The following HS3ST5 variants were observed in gnomAD, a reference collection of about 807,000 sequenced individuals.
HS3ST5 encodes heparan sulfate glucosamine 3-O-sulfotransferase 5.
HS3ST5 carries 10 observed loss-of-function variants against 25.4 expected under a neutral mutation model. The ratio of observed to expected loss-of-function variants is 0.39; its 90% CI spans 0.24 to 0.67. The LOEUF (loss-of-function observed/expected upper bound fraction) is 0.67. Ranked by LOEUF, HS3ST5 falls within the 30% of genes least tolerant of loss-of-function variation. HS3ST5 has a pLI of 0.44. For missense variants in HS3ST5, 324 were observed against 420.7 expected (o/e 0.77, Z 2.01); for synonymous variants, 170 against 162.4 (o/e 1.05, Z -0.36).
At chr6:114,150,668 T>G (rs1017587059) in intron 3 of HS3ST5, among the ~76,000 whole-genome samples, 11 of 152,306 alleles carry the variant, frequency 7.2e-5, no homozygotes, top group African/African-American at 2.6e-4. Flanking sequence ...TTGCATTCTA[T>G]AGCATACATG....
chr6:114,328,266 G>A (rs1162925045), intron 1 of HS3ST5, among the ~76,000 whole-genome samples: 1 of 151,466 alleles, frequency 6.6e-6, no homozygotes, highest in Non-Finnish European at 1.5e-5. Context: ...AGGAAAGAAG[G>A]AAGGAAGGAA....
At chr6:114,208,345 A>T (rs567838706) in intron 2 of HS3ST5, among the ~76,000 whole-genome samples, 2 of 152,256 alleles carry the variant, frequency 1.3e-5, no homozygotes, top group African/African-American at 4.8e-5. Context: ...CACCTCTAAC[A>T]TGCTTTCAAC....
chr6:114,103,614 G>A (rs1290561161), intron 3 of HS3ST5, among the ~76,000 whole-genome samples: 4 of 150,438 alleles, frequency 2.7e-5, no homozygotes, highest in Non-Finnish European at 5.9e-5. Context: ...TAGAGACAGG[G>A]TCTGACTCTG....
chr6:114,217,331 C>A (rs1219102857), intron 2 of HS3ST5, among the ~76,000 whole-genome samples: 1 of 152,114 alleles, frequency 6.6e-6, no homozygotes, highest in Non-Finnish European at 1.5e-5. Flanking sequence ...TTAAAGCAAC[C>A]ACTATCCTGA....
intron 3 of HS3ST5, among the ~76,000 whole-genome samples, chr6:114,130,050 G>T (rs139429517): frequency 0.011 from 1,744 of 152,152 alleles, 15 homozygotes; most frequent in Middle Eastern, 0.031. Context: ...ACAAACAAAG[G>T]TTCCATCTCA....
At chr6:114,262,442 G>GA (rs1773219217) in intron 1 of HS3ST5, among the ~76,000 whole-genome samples, 1 of 152,058 alleles carries the variant, frequency 6.6e-6, no homozygotes. Context: ...AGCTACTTGG[G>GA]AGGCTGAGGC....
chr6:114,094,853 G>T (rs1195245846), intron 3 of HS3ST5, among the ~76,000 whole-genome samples: 1 of 152,174 alleles, frequency 6.6e-6, no homozygotes, highest in Non-Finnish European at 1.5e-5. Context: ...CATGACATAA[G>T]ATGGTCCTTC....
intron 1 of HS3ST5, among the ~76,000 whole-genome samples, chr6:114,254,977 CT>C (rs981742189): frequency 2.6e-5 from 4 of 152,152 alleles, no homozygotes; most frequent in African/African-American, 9.7e-5. Context: ...CCAATCATGC[CT>C]TCCCAACAGT....
intron 3 of HS3ST5, among the ~76,000 whole-genome samples, chr6:114,098,011 C>T (rs1464862379): frequency 6.6e-6 from 1 of 151,934 alleles, no homozygotes; most frequent in Admixed American, 6.6e-5. Flanking sequence ...ACATTTACTT[C>T]TCTACTTCTT....
chr6:114,167,541 C>T (rs1048933206), intron 3 of HS3ST5: 5 of 152,152 alleles, frequency 3.3e-5, no homozygotes, highest in Non-Finnish European at 7.3e-5. Context: ...TTGCCAAGAT[C>T]ACCCAGCTAG....
intron 3 of HS3ST5, among the ~76,000 whole-genome samples, chr6:114,107,312 T>TA: frequency 6.6e-6 from 1 of 152,222 alleles, no homozygotes; most frequent in South Asian, 2.1e-4. Flanking sequence ...TAGTAGATGC[T>TA]AAAAAAGCAT....
chr6:114,201,688 A>C (rs187922188), intron 2 of HS3ST5, among the ~76,000 whole-genome samples: 9 of 152,306 alleles, frequency 5.9e-5, no homozygotes, highest in Admixed American at 3.9e-4. Flanking sequence ...TAATAAAGAC[A>C]TACCTGAGAC....
At chr6:114,185,465 G>T (rs1780176582) in intron 2 of HS3ST5, among the ~76,000 whole-genome samples, 1 of 152,130 alleles carries the variant, frequency 6.6e-6, no homozygotes, top group Admixed American at 6.5e-5. Flanking sequence ...TTCCAGAAAT[G>T]TGAGAAATAA....
chr6:114,078,603 C>G (rs551804629), intron 3 of HS3ST5, among the ~76,000 whole-genome samples: 2 of 152,256 alleles, frequency 1.3e-5, no homozygotes, highest in South Asian at 4.1e-4. Flanking sequence ...ATAAGAGACA[C>G]AAGATATTTT....
At chr6:114,341,265 G>GAGAGAGAGAGAGA (rs1776855774) in intron 1 of HS3ST5, among the ~76,000 whole-genome samples, 1 of 148,402 alleles carries the variant, frequency 6.7e-6, no homozygotes. Context: ...GAGAGAGTGA[G>GAGAGAGAGAGAGA]TCCCACCGGG....
rs138983317 is a variant in HS3ST5, at chr6:114,139,000, C to G, written c.-33+29351G>C. On this transcript the variant is annotated intron_variant, in intron 3 of 4. Transcript: ENST00000312719. The stretch of plus-strand genomic sequence containing the variant: ...TTAGGGCTTCAGAATGCCCCACCCC[C>G]TAATGTCCTCACCTTGGAGTTAGGA... Among the ~76,000 whole-genome samples the G allele has an allele frequency of 3.9e-5, 6 of 152,278 alleles. No individual in the cohort carries two copies. The East Asian group carries it at 1.2e-3, about 29-fold the overall frequency.
intron 1 of HS3ST5, among the ~76,000 whole-genome samples, chr6:114,257,097 C>A (rs1328551635): frequency 6.6e-6 from 1 of 152,096 alleles, no homozygotes; most frequent in Non-Finnish European, 1.5e-5. Flanking sequence ...AGAAACTGCC[C>A]CTATGATTCA....
intron 1 of HS3ST5, among the ~76,000 whole-genome samples, chr6:114,258,232 G>T (rs1250709334): frequency 2.6e-5 from 4 of 152,154 alleles, no homozygotes; most frequent in African/African-American, 9.7e-5. Flanking sequence ...CCCTCCTCTG[G>T]AGAGCTGATC....
At position 114,191,710 on chromosome 6, in the gene HS3ST5, G is replaced by T. The variant is rs575111229; in HGVS notation, c.-144-23248C>A. Among the ~76,000 whole-genome samples, 4 of 152,266 alleles carry T rather than the reference G, an allele frequency of 2.6e-5. No homozygotes were observed. The South Asian group carries it at 8.3e-4, about 32-fold the overall frequency. On this transcript the variant is annotated intron_variant, in intron 2 of 4. Transcript: ENST00000312719. ...GGGCTTGACAGTTACTCTGGGCTGT[G>T]TGTGGAGGGAACTATTTTCTGAGGA... is the stretch of plus-strand genomic sequence containing the variant.
Sources: gnomAD v4.1 joint callset for allele counts (sites outside exome capture counted in the v4.1 genomes callset) on GRCh38, gnomAD v4.1.1 for gene constraint, MANE v1.5 for transcripts, NCBI Gene and HGNC (gene_info 2026-07-23, HGNC 2026-07-21) for gene names.